FAM151B: variants seen among roughly 807,000 people sequenced by gnomAD.
FAM151B encodes family with sequence similarity 151 member B.
A neutral mutation model predicts 31.2 loss-of-function variants in FAM151B; 24 were observed. That is an observed-to-expected ratio of 0.77 (90% CI 0.56 to 1.08). The LOEUF (loss-of-function observed/expected upper bound fraction) is 1.08. Ranked by LOEUF, FAM151B falls within the 50% of genes least tolerant of loss-of-function variation. The pLI is 0.00. For synonymous variants in FAM151B, 105 were observed against 111.4 expected (o/e 0.94, Z 0.36); for missense variants, 293 against 328.6 (o/e 0.89, Z 0.84).
At chr5:80,496,984 T>G (rs1242536222) in intron 1 of FAM151B, among the ~76,000 whole-genome samples, 2 of 151,868 alleles carry the variant, frequency 1.3e-5, no homozygotes, top group African/African-American at 4.8e-5. Context: ...CTAATTTTTG[T>G]ATTTCTAGTA....
intron 5 of FAM151B, among the ~76,000 whole-genome samples, chr5:80,539,884 AT>A (rs1745797728): frequency 2.6e-5 from 4 of 151,818 alleles, no homozygotes; most frequent in Non-Finnish European, 5.9e-5. Flanking sequence ...AAACTACCAC[AT>A]CTCCTTCACC....
intron 1 of FAM151B, among the ~76,000 whole-genome samples, chr5:80,493,553 A>G (rs1452725988): frequency 2.0e-5 from 3 of 152,202 alleles, no homozygotes; most frequent in Non-Finnish European, 4.4e-5. Flanking sequence ...ATATCGCTGA[A>G]TTCTTTTCCT....
intron 1 of FAM151B, among the ~76,000 whole-genome samples, chr5:80,496,574 A>G (rs1743544446): frequency 6.6e-6 from 1 of 152,112 alleles, no homozygotes; most frequent in Admixed American, 6.5e-5. Flanking sequence ...GTCAAAACCT[A>G]TAAAATGTAT....
At chr5:80,517,588 TATC>T (rs1332900063) in intron 3 of FAM151B, among the ~76,000 whole-genome samples, 4 of 152,216 alleles carry the variant, frequency 2.6e-5, no homozygotes, top group Non-Finnish European at 5.9e-5. Context: ...TAAGGGAAAA[TATC>T]ATTATCCTTC....
intron 5 of FAM151B, among the ~76,000 whole-genome samples, chr5:80,525,625 G>T (rs1293878596): frequency 1.3e-5 from 2 of 152,068 alleles, no homozygotes; most frequent in Admixed American, 1.3e-4. Context: ...GGTTCATTCT[G>T]TCCAGTTCCT....
intron 3 of FAM151B, among the ~76,000 whole-genome samples, chr5:80,514,183 G>A (rs1658483046): frequency 6.6e-6 from 1 of 152,098 alleles, no homozygotes; most frequent in African/African-American, 2.4e-5. Context: ...TAAAAATAAT[G>A]CTTGGAGGCA....
rs756110546 is a variant in FAM151B, at chr5:80,521,995, C to G, written c.536-8C>G. The G allele has an allele frequency of 6.6e-7, 1 of 1,514,988 alleles. No individual in the cohort carries two copies. The highest frequency in any genetic ancestry group is 8.9e-7 in the Non-Finnish European group (1 of 1,119,378). 93.8% of individuals were successfully genotyped at this position (1,514,988 alleles called of 1,614,324 possible). On this transcript the variant is annotated splice_polypyrimidine_tract_variant and splice_region_variant and intron_variant, in intron 4 of 5. Transcript: ENST00000282226. ...CAATAAAGTTAAATTTTTTTCTTTT[C>G]TTTTAAGGGTACAGTTGGACAATGG... is the stretch of plus-strand genomic sequence containing the variant.
chr5:80,508,364 C>A (rs1328910396), intron 2 of FAM151B, among the ~76,000 whole-genome samples: 3 of 152,112 alleles, frequency 2.0e-5, no homozygotes, highest in Admixed American at 2.0e-4. Flanking sequence ...TTCCAAAGTG[C>A]CTGCTCCTTT....
chr5:80,535,931 G>A (rs1470708921), intron 5 of FAM151B, among the ~76,000 whole-genome samples: 2 of 152,124 alleles, frequency 1.3e-5, no homozygotes, highest in African/African-American at 4.8e-5. Context: ...CAAAAGATTT[G>A]AATAGACATT....
rs1048669753 is a variant in FAM151B at position 80,488,269 on chromosome 5, G to A, written c.25+121G>A. ...TGCTAGGGACCTGGGAGCGCGCCGC[G>A]CAGAACCGGGCGGCTGGGCTTGGAG... On this transcript the variant is annotated intron_variant, in intron 1 of 5. Transcript: ENST00000282226. 6 of 1,242,382 alleles carry A rather than the reference G, an allele frequency of 4.8e-6. No individual in the cohort carries two copies. The African/African-American group carries it at 9.5e-5, about 20-fold the overall frequency. 77.0% of individuals were successfully genotyped at this position (1,242,382 alleles called of 1,614,324 possible).
intron 2 of FAM151B, among the ~76,000 whole-genome samples, chr5:80,510,336 C>G (rs1171197533): frequency 6.6e-6 from 1 of 152,202 alleles, no homozygotes; most frequent in Non-Finnish European, 1.5e-5. Flanking sequence ...CTCCACGTGG[C>G]TTCTCTCTCT....
At chr5:80,526,854 G>C (rs1289782620) in intron 5 of FAM151B, among the ~76,000 whole-genome samples, 1 of 152,066 alleles carries the variant, frequency 6.6e-6, no homozygotes, top group Non-Finnish European at 1.5e-5. Flanking sequence ...GATGAGGGGT[G>C]GGGGCAGGGA....
rs556844628 is a variant in FAM151B, at chr5:80,506,124, T to C, written c.151+4207T>C. On this transcript the variant is annotated intron_variant, in intron 2 of 5. Coordinates refer to ENST00000282226, the MANE Select transcript of FAM151B (RefSeq NM_205548.3). ...AGCATATGGAAACTGGTTCCATTTG[T>C]AGCTCCAGGGGTGCATTACAATAAG... The C allele has an allele frequency of 3.7e-5, 36 of 985,268 alleles. No individual in the cohort carries two copies. The African/African-American group carries it at 5.8e-4, about 16-fold the overall frequency. The allele number at this position is 985,268 out of a possible 1,614,324, so 61.0% of individuals were successfully genotyped here. A position where few individuals can be genotyped will look rare whatever the true frequency, so the allele number is the denominator to read the frequency against.
chr5:80,497,254 C>G (rs1233587350), intron 1 of FAM151B, among the ~76,000 whole-genome samples: 2 of 151,920 alleles, frequency 1.3e-5, no homozygotes, highest in East Asian at 3.9e-4. Context: ...GGTGAAACAC[C>G]ATTTCTACTA....
intron 5 of FAM151B, among the ~76,000 whole-genome samples, chr5:80,523,832 A>T (rs566908789): frequency 2.0e-5 from 3 of 152,264 alleles, no homozygotes; most frequent in African/African-American, 7.2e-5. Context: ...CATTATGCTT[A>T]AAGAGAAATA....
At chr5:80,501,700 T>A (rs747319832) in intron 1 of FAM151B, 92 bp from the exon 2 acceptor site, 179 of 821,676 alleles carry the variant, frequency 2.2e-4, no homozygotes, top group Non-Finnish European at 3.3e-4. Flanking sequence ...TAACAGCATA[T>A]GTGTATCTTA....
intron 4 of FAM151B, among the ~76,000 whole-genome samples, chr5:80,520,366 C>T (rs146898358): frequency 3.5e-4 from 53 of 151,910 alleles, no homozygotes; most frequent in African/African-American, 1.2e-3. Flanking sequence ...ATATTCTGGC[C>T]GGGCGTGGTG....
At position 80,538,513 on chromosome 5, in the gene FAM151B, TTTCCTTCCTTCCTTCCTTCCTTCCTTCC is replaced by T. The variant is rs60106370; in HGVS notation, c.672-3127_672-3100del. On this transcript the variant is annotated intron_variant, in intron 5 of 5. Transcript: ENST00000282226. ...TTCCTTCCTTCCTTTCTTTTCTTTC[TTTCCTTCCTTCCTTCCTTCCTTCCTTCC>T]TTCCTTCCTTCCTTCCTTCCTTCCT... 2.4e-4 allele frequency among the ~76,000 whole-genome samples: 15 copies of T among 61,532 alleles called. 1 individual carries two copies. Among genetic ancestry groups the T allele is most frequent in the East Asian group, 8.4e-4 (2 of 2,374 alleles). The allele number at this position is 61,532 out of a possible 152,430, so 40.4% of individuals were successfully genotyped here.
intron 2 of FAM151B, among the ~76,000 whole-genome samples, chr5:80,504,188 C>G (rs1743858760): frequency 6.6e-6 from 1 of 152,196 alleles, no homozygotes; most frequent in Non-Finnish European, 1.5e-5. Context: ...GGAAATGGCA[C>G]CACAATCTAC....
Sources: allele counts gnomAD v4.1 joint callset (sites outside exome capture counted in the v4.1 genomes callset), GRCh38; gene constraint gnomAD v4.1.1; transcripts MANE v1.5; gene names NCBI Gene and HGNC (gene_info 2026-07-23, HGNC 2026-07-21).